CRYBB2: variants seen among roughly 807,000 people sequenced by gnomAD.
CRYBB2 encodes the protein beta-crystallin B2.
A neutral mutation model predicts 24.3 loss-of-function variants in CRYBB2; 12 were observed. That is an observed-to-expected ratio of 0.49 (90% CI 0.32 to 0.80). CRYBB2 has a LOEUF of 0.80. Ranked by LOEUF, CRYBB2 falls within the 30% of genes least tolerant of loss-of-function variation. The probability of loss-of-function intolerance (pLI) is 0.04; values close to 1 mark genes in which losing one functional copy is unlikely to be tolerated. For synonymous variants in CRYBB2, 98 were observed against 101.6 expected, an observed-to-expected ratio of 0.96 and a Z score of 0.21; for missense variants, 198 against 268.5, an observed-to-expected ratio of 0.74 and a Z score of 1.83.
At chr22:25,228,932 G>A (rs539967825) in intron 4 of CRYBB2, among the ~76,000 whole-genome samples, 2 of 152,260 alleles carry the variant, frequency 1.3e-5, no homozygotes, top group South Asian at 2.1e-4. Flanking sequence ...ATGTGTGGGT[G>A]TGCACGTGTG....
upstream of CRYBB2, among the ~76,000 whole-genome samples, chr22:25,211,825 T>C (rs1032027389): frequency 6.6e-6 from 1 of 152,218 alleles, no homozygotes; most frequent in African/African-American, 2.4e-5. Flanking sequence ...ACCAGCTTAA[T>C]TGAGAGGCAG....
chr22:25,230,724 T>C (rs1344247517), intron 5 of CRYBB2, among the ~76,000 whole-genome samples: 1 of 149,392 alleles, frequency 6.7e-6, no homozygotes, highest in Non-Finnish European at 1.5e-5. Context: ...AGTGCTGCCA[T>C]ATGCCAGGCA....
In CRYBB2 at chr22:25,227,857, G is replaced by C; in HGVS notation, c.178G>C (p.Val60Leu). ...GSVLVQAGPW[V>L]GYEQANCKGE... ...TTCTCTCTGTCTCCATGGCAGCTGG[G>C]TGGGCTATGAACAGGCCAACTGCAA... The change falls in exon 4 of 6, where the codon GTG (valine) becomes CTG (leucine). Residue 60 changes from valine to leucine, a missense_variant. Val to Leu is a conservative substitution (Grantham distance 32). Transcript: ENST00000398215. The C allele has an allele frequency of 2.5e-6, 4 of 1,614,146 alleles. No homozygotes were observed. Among genetic ancestry groups the C allele is most frequent in the Non-Finnish European group, 3.4e-6 (4 of 1,180,040 alleles).
chr22:25,216,959 T>C (rs1935177923), upstream of CRYBB2, among the ~76,000 whole-genome samples: 1 of 152,236 alleles, frequency 6.6e-6, no homozygotes, highest in Non-Finnish European at 1.5e-5. Flanking sequence ...ATTTCCTTTC[T>C]TTTTAAGGCT....
intron 2 of CRYBB2, among the ~76,000 whole-genome samples, chr22:25,224,156 A>G (rs1196191519): frequency 1.3e-5 from 2 of 150,180 alleles, no homozygotes; most frequent in African/African-American, 4.9e-5. Context: ...CACTGGAACC[A>G]TGAAAGGTGG....
intron 2 of CRYBB2, among the ~76,000 whole-genome samples, chr22:25,222,704 C>A (rs1935342373): frequency 6.6e-6 from 1 of 152,140 alleles, no homozygotes; most frequent in Admixed American, 6.5e-5. Context: ...GTCCACTAGA[C>A]CTATAATGTG....
chr22:25,218,818 G>GA (rs371049610), upstream of CRYBB2, among the ~76,000 whole-genome samples: 10 of 65,302 alleles, frequency 1.5e-4, no homozygotes, highest in African/African-American at 7.3e-4. Context: ...AAGAAAGAAA[G>GA]AAAGAAAGAA....
chr22:25,218,779 G>GAGAGAAAGAGAGAAAGAAA (rs1935251085), upstream of CRYBB2, among the ~76,000 whole-genome samples: 1 of 34,514 alleles, frequency 2.9e-5, no homozygotes, highest in Non-Finnish European at 5.3e-5. Flanking sequence ...GAGAGAGAGA[G>GAGAGAAAGAGAGAAAGAAA]AAGAAAGAAA....
At chr22:25,221,170 T>C (rs1312246178) in intron 1 of CRYBB2, among the ~76,000 whole-genome samples, 1 of 152,230 alleles carries the variant, frequency 6.6e-6, no homozygotes, top group East Asian at 1.9e-4. Flanking sequence ...TACTGCTCTC[T>C]TTCTTTGAGT....
chr22:25,229,920 G>A (rs1935501581), intron 5 of CRYBB2, among the ~76,000 whole-genome samples: 1 of 151,598 alleles, frequency 6.6e-6, no homozygotes, highest in Admixed American at 6.6e-5. Context: ...GAGTTGAGTA[G>A]TCTGAAAGCT....
chr22:25,218,896 G>A (rs2146085393), upstream of CRYBB2, among the ~76,000 whole-genome samples: 1 of 152,002 alleles, frequency 6.6e-6, no homozygotes, highest in South Asian at 2.1e-4. Context: ...AGAATAAAAT[G>A]CACTCTCCAT....
upstream of CRYBB2, among the ~76,000 whole-genome samples, chr22:25,218,679 A>G (rs1935224019): frequency 1.1e-5 from 1 of 91,426 alleles, no homozygotes; most frequent in South Asian, 5.1e-4. Flanking sequence ...AGAAAGAAAG[A>G]GAAAGAAAGA....
chr22:25,229,064 C>T (rs1034098645), intron 4 of CRYBB2, among the ~76,000 whole-genome samples: 1 of 145,474 alleles, frequency 6.9e-6, no homozygotes, highest in Admixed American at 6.8e-5. Context: ...TGCGTGTGTG[C>T]ATGTGTGCGT....
In CRYBB2 at chr22:25,229,459, C is replaced by A. The variant is rs781156838; in HGVS notation, c.330C>A (p.Ile110=). The A allele has an allele frequency of 3.1e-6, 5 of 1,612,206 alleles. No homozygotes were observed. Among genetic ancestry groups the A allele is most frequent in the Non-Finnish European group, 4.2e-6 (5 of 1,179,140 alleles). ...AGGACAGCCAAGAGCACAAGATCAT[C>A]CTCTATGAAAACCCCAACTTCACCG... is the stretch of plus-strand genomic sequence containing the variant. ...IKVDSQEHKI[I]LYENPNFTGK... is the part of the protein sequence containing the mutation. Residue 110 remains isoleucine (I), a synonymous_variant, in exon 5 of 6, where the codon ATC becomes ATA. Coordinates refer to ENST00000398215, the MANE Select transcript of CRYBB2 (RefSeq NM_000496.3).
intron 3 of CRYBB2, among the ~76,000 whole-genome samples, chr22:25,226,971 G>A (rs1225148883): frequency 2.6e-5 from 4 of 152,078 alleles, no homozygotes; most frequent in Non-Finnish European, 5.9e-5. Context: ...ACAGCGCCCA[G>A]CCCCTTGACA....
intron 3 of CRYBB2, among the ~76,000 whole-genome samples, chr22:25,227,481 T>C (rs1935440554): frequency 6.6e-6 from 1 of 151,394 alleles, no homozygotes; most frequent in African/African-American, 2.4e-5. Flanking sequence ...ACCATGGAAA[T>C]TGGCAAACGC....
At chr22:25,227,220 G>C (rs751277185) in intron 3 of CRYBB2, among the ~76,000 whole-genome samples, 1 of 152,088 alleles carries the variant, frequency 6.6e-6, no homozygotes, top group African/African-American at 2.4e-5. Context: ...AGCCATGCCC[G>C]ACCTGAAAGC....
At position 25,227,910 on chromosome 22, in the gene CRYBB2, T is replaced by C. The variant is rs761853361; in HGVS notation, c.231T>C (p.Gly77=). 5.3e-5 allele frequency: 85 copies of C among 1,613,934 alleles called. No homozygotes were observed. The Admixed American group carries it at 8.5e-4, about 16-fold the overall frequency. The change falls in exon 4 of 6, where the codon GGT becomes GGC. Residue 77 remains glycine, a synonymous_variant. Coordinates refer to ENST00000398215, the MANE Select transcript of CRYBB2 (RefSeq NM_000496.3). ...GCGAGCAGTTTGTGTTTGAGAAGGG[T>C]GAGTACCCCCGCTGGGACTCATGGA... ...CKGEQFVFEK[G]EYPRWDSWTS...
chr22:25,230,454 C>G (rs1244788480), intron 5 of CRYBB2, among the ~76,000 whole-genome samples: 1 of 152,044 alleles, frequency 6.6e-6, no homozygotes, highest in Non-Finnish European at 1.5e-5. Flanking sequence ...CTGTGCCTGG[C>G]CTGGAACGGA....
Sources: gnomAD v4.1 joint callset for allele counts (sites outside exome capture counted in the v4.1 genomes callset) on GRCh38, gnomAD v4.1.1 for gene constraint, MANE v1.5 for transcripts, NCBI Gene and HGNC (gene_info 2026-07-23, HGNC 2026-07-21) for gene names.